The following CMSS1 variants were observed in gnomAD, a reference collection of about 807,000 sequenced individuals.
CMSS1 encodes cms1 ribosomal small subunit homolog, also known as protein CMSS1.
CMSS1 carries 33 observed loss-of-function variants against 43.5 expected under a neutral mutation model. The ratio of observed to expected loss-of-function variants is 0.76; its 90% CI spans 0.57 to 1.01. The LOEUF (loss-of-function observed/expected upper bound fraction) is 1.01. Among genes scored for constraint, CMSS1 ranks in the 50% least tolerant of loss-of-function variants. The pLI, the probability that CMSS1 is intolerant of heterozygous loss-of-function variation, is 0.00. For missense variants in CMSS1, 313 were observed against 326.4 expected, an observed-to-expected ratio of 0.96 and a Z score of 0.32; for synonymous variants, 115 against 117.2, an observed-to-expected ratio of 0.98 and a Z score of 0.12.
At chr3:99,975,822 G>C (rs1708953111) in intron 1 of CMSS1, among the ~76,000 whole-genome samples, 1 of 152,184 alleles carries the variant, frequency 6.6e-6, no homozygotes. Flanking sequence ...GGAAAGTTTA[G>C]AACAATCAAC....
chr3:100,139,519 TAA>T (rs1312410274), intron 1 of CMSS1, among the ~76,000 whole-genome samples: 1 of 125,408 alleles, frequency 8.0e-6, no homozygotes, highest in Non-Finnish European at 1.7e-5. Context: ...CTGTATCTAC[TAA>T]AAAAAAAATG....
At chr3:100,136,402 A>G (rs1364963181) in intron 1 of CMSS1, among the ~76,000 whole-genome samples, 1 of 152,148 alleles carries the variant, frequency 6.6e-6, no homozygotes, top group Non-Finnish European at 1.5e-5. Context: ...GCAGGACTTG[A>G]AGAAGCCAGG....
intron 1 of CMSS1, among the ~76,000 whole-genome samples, chr3:99,906,855 C>T (rs988406272): frequency 2.6e-5 from 4 of 152,158 alleles, no homozygotes; most frequent in African/African-American, 9.7e-5. Context: ...CCATTTTCCC[C>T]ACCCATGCCC....
At chr3:99,961,435 C>T (rs1708487888) in intron 1 of CMSS1, among the ~76,000 whole-genome samples, 1 of 152,126 alleles carries the variant, frequency 6.6e-6, no homozygotes. Context: ...TATGCATACC[C>T]AGGAGCCCAG....
intron 1 of CMSS1, among the ~76,000 whole-genome samples, chr3:99,841,402 A>G (rs1270960019): frequency 2.6e-5 from 4 of 152,226 alleles, no homozygotes; most frequent in Non-Finnish European, 5.9e-5. Flanking sequence ...TTGCCGGAAC[A>G]GCAGATAACT....
intron 6 of CMSS1, among the ~76,000 whole-genome samples, chr3:100,171,345 C>T (rs182736593): frequency 2.0e-5 from 3 of 152,060 alleles, no homozygotes; most frequent in East Asian, 1.9e-4. Context: ...TAGAAGCCCC[C>T]CCTCTTCCCC....
At chr3:99,891,511 A>G (rs759637313) in intron 1 of CMSS1, among the ~76,000 whole-genome samples, 3 of 151,852 alleles carry the variant, frequency 2.0e-5, no homozygotes, top group African/African-American at 4.8e-5. Flanking sequence ...TTATAGATGT[A>G]TTTTTTGAAA....
intron 9 of CMSS1, among the ~76,000 whole-genome samples, chr3:100,177,948 GTC>G (rs1189222103): frequency 6.6e-6 from 1 of 152,074 alleles, no homozygotes; most frequent in Non-Finnish European, 1.5e-5. Context: ...GCAAAACCCT[GTC>G]TCTACTAAAA....
intron 1 of CMSS1, among the ~76,000 whole-genome samples, chr3:100,131,607 T>C (rs908549662): frequency 2.6e-5 from 4 of 152,192 alleles, no homozygotes; most frequent in African/African-American, 9.7e-5. Context: ...CCCAGTTCTC[T>C]TGGAGATTTT....
intron 1 of CMSS1, among the ~76,000 whole-genome samples, chr3:99,913,717 G>T (rs1271551265): frequency 6.6e-6 from 1 of 152,200 alleles, no homozygotes; most frequent in African/African-American, 2.4e-5. Flanking sequence ...AGTAGGAAGT[G>T]AGAGCAGGGC....
At chr3:100,015,700 G>A (rs1296404408) in intron 1 of CMSS1, among the ~76,000 whole-genome samples, 6 of 152,164 alleles carry the variant, frequency 3.9e-5, no homozygotes, top group African/African-American at 1.4e-4. Context: ...GTGCTTCAGT[G>A]TCTTCATCGT....
intron 1 of CMSS1, among the ~76,000 whole-genome samples, chr3:100,089,494 A>G (rs7627991): frequency 0.18 from 27,692 of 152,222 alleles, 2,898 homozygotes; most frequent in South Asian, 0.25. Flanking sequence ...AGATGAAGAT[A>G]TGAAGATTTT....
At chr3:100,046,773 C>G (rs995688942) in intron 1 of CMSS1, among the ~76,000 whole-genome samples, 5 of 152,100 alleles carry the variant, frequency 3.3e-5, no homozygotes, top group African/African-American at 1.2e-4. Context: ...CTGATAAGGC[C>G]AGGTCTGATT....
chr3:100,120,147 A>T (rs899592315), intron 1 of CMSS1, among the ~76,000 whole-genome samples: 1 of 152,240 alleles, frequency 6.6e-6, no homozygotes, highest in African/African-American at 2.4e-5. Flanking sequence ...CTATCTCTTC[A>T]TGTTCTTCAA....
intron 1 of CMSS1, among the ~76,000 whole-genome samples, chr3:100,092,068 C>CTAT (rs1324281957): frequency 6.6e-6 from 1 of 152,092 alleles, no homozygotes; most frequent in Non-Finnish European, 1.5e-5. Context: ...TTTCATAGGG[C>CTAT]TATTATGAGC....
chr3:99,958,223 TTATTA>T (rs1708392896), intron 1 of CMSS1, among the ~76,000 whole-genome samples: 1 of 146,348 alleles, frequency 6.8e-6, no homozygotes, highest in South Asian at 2.1e-4. Flanking sequence ...ATTATTATTA[TTATTA>T]TTATTATTAT....
intron 1 of CMSS1, among the ~76,000 whole-genome samples, chr3:100,058,210 C>T (rs2065498519): frequency 6.6e-6 from 1 of 152,226 alleles, no homozygotes. Flanking sequence ...ACTCTCTATA[C>T]CCTACTGCCT....
At chr3:99,824,018 G>T (rs914159914) in intron 1 of CMSS1, among the ~76,000 whole-genome samples, 2 of 151,598 alleles carry the variant, frequency 1.3e-5, no homozygotes, top group Non-Finnish European at 2.9e-5. Context: ...CACCTCCTGA[G>T]TTCAAATGAT....
At chr3:99,946,254 C>T (rs1337821453) in intron 1 of CMSS1, among the ~76,000 whole-genome samples, 1 of 152,132 alleles carries the variant, frequency 6.6e-6, no homozygotes, top group Non-Finnish European at 1.5e-5. Context: ...AGCTTATAAG[C>T]TGCTTTAAAG....
Sources: gnomAD v4.1 joint callset for allele counts (sites outside exome capture counted in the v4.1 genomes callset) on GRCh38, gnomAD v4.1.1 for gene constraint, MANE v1.5 for transcripts, NCBI Gene and HGNC (gene_info 2026-07-23, HGNC 2026-07-21) for gene names.